The following SLC12A8 variants were observed in gnomAD, a reference collection of about 807,000 sequenced individuals.
The protein encoded by SLC12A8 is cation-chloride cotransporter 9.
In SLC12A8, 69 loss-of-function variants were observed where a neutral mutation model predicts 75.6. The observed-to-expected ratio is 0.91, with a 90% CI of 0.75 to 1.11. The LOEUF (loss-of-function observed/expected upper bound fraction) is 1.11, where lower values mean the gene tolerates loss of function less well. SLC12A8 is among the 50% of genes most tolerant of loss of function. The pLI, the probability that SLC12A8 is intolerant of heterozygous loss-of-function variation, is 0.00. For synonymous variants in SLC12A8, 365 were observed against 372.8 expected, an observed-to-expected ratio of 0.98 and a Z score of 0.24; for missense variants, 877 against 896.7, an observed-to-expected ratio of 0.98 and a Z score of 0.28.
Position 125,194,941 on chromosome 3 carries a change from G to A in SLC12A8, c.52-4420C>T, listed in dbSNP as rs114803740. ...CATTCCTTTCCCCTGCCTCTGAACC[G>A]GCCCCATGTGCTGGACCACAGGGGT... On this transcript the variant is annotated intron_variant, in intron 2 of 13. Transcript: ENST00000469902. 4.8e-3 allele frequency among the ~76,000 whole-genome samples: 729 copies of A among 152,344 alleles called. 9 individuals carry two copies. The highest frequency in any genetic ancestry group is 0.021 in the Admixed American group (325 of 15,302).
At position 125,211,344 on chromosome 3, in the gene SLC12A8, G is replaced by A. The variant is rs750720126; in HGVS notation, c.6C>T (p.Thr2=). M[T]QMSQVQELFH... The stretch of plus-strand genomic sequence containing the variant: ...AGAGCTCCTGCACCTGGGACATCTG[G>A]GTCATTCTCCAGCAAGCAGGGATCC... The change falls in exon 2 of 14, where the codon ACC becomes ACT. Residue 2 remains threonine (T), a synonymous_variant. Coordinates refer to ENST00000469902, the MANE Select transcript of SLC12A8 (RefSeq NM_024628.6). The A allele has an allele frequency of 1.2e-6, 2 of 1,613,698 alleles. No homozygotes were observed. Among genetic ancestry groups the A allele is most frequent in the East Asian group, 2.2e-5 (1 of 44,886 alleles).
chr3:125,120,698 C>T lies in SLC12A8; in HGVS notation c.737-12G>A. 3 of 1,609,896 alleles carry T rather than the reference C, an allele frequency of 1.9e-6. No homozygotes were observed. The highest frequency in any genetic ancestry group is 2.2e-5 in the East Asian group (1 of 44,842). On this transcript the variant is annotated splice_polypyrimidine_tract_variant and intron_variant, in intron 6 of 13. Coordinates refer to ENST00000469902, the MANE Select transcript of SLC12A8 (RefSeq NM_024628.6). Reference sequence around the variant, plus strand: ...GCCGGCCATGACTCCTGAAAGACACCCAGATGGGGAATGGGGTGAGCAGCC... The same window carrying T: ...GCCGGCCATGACTCCTGAAAGACACTCAGATGGGGAATGGGGTGAGCAGCC...
chr3:125,188,768 T>C lies in SLC12A8; in HGVS notation c.199-1340A>G, dbSNP rs182845583. Among the ~76,000 whole-genome samples the C allele has an allele frequency of 2.0e-4, 31 of 152,298 alleles. No homozygotes were observed. The East Asian group carries it at 5.0e-3, about 25-fold the overall frequency. ...GCTGGAAAATTGTCCTGGAAGTCAGTTGTACTCTGTTCCAGTGTTTATAAT... is the reference window on the plus strand; with the variant it reads ...GCTGGAAAATTGTCCTGGAAGTCAGCTGTACTCTGTTCCAGTGTTTATAAT... On this transcript the variant is annotated intron_variant, in intron 3 of 13. Transcript: ENST00000469902.
intron 6 of SLC12A8, among the ~76,000 whole-genome samples, chr3:125,133,981 T>G (rs1258738474): frequency 6.6e-6 from 1 of 152,256 alleles, no homozygotes; most frequent in African/African-American, 2.4e-5. Context: ...GATTGCATTT[T>G]CTAGAACTGC....
chr3:125,120,951 G>T, intron 6 of SLC12A8: 1 of 675,762 alleles, frequency 1.5e-6, no homozygotes, highest in East Asian at 2.7e-5. Context: ...ACCGCTCAGC[G>T]CAAAGCAACC....
chr3:125,112,846 T>TGA (rs1486294300), intron 8 of SLC12A8, among the ~76,000 whole-genome samples: 5 of 151,874 alleles, frequency 3.3e-5, no homozygotes, highest in Admixed American at 3.3e-4. Flanking sequence ...TAGTGTAGAG[T>TGA]GAGACACAGA....
intron 2 of SLC12A8, among the ~76,000 whole-genome samples, chr3:125,202,905 T>C (rs1169708072): frequency 6.6e-6 from 1 of 151,838 alleles, no homozygotes; most frequent in Non-Finnish European, 1.5e-5. Flanking sequence ...CTGCCCAACA[T>C]GGTGAAACCC....
At chr3:125,188,602 TAAG>T (rs541193821) in intron 3 of SLC12A8, among the ~76,000 whole-genome samples, 36 of 152,332 alleles carry the variant, frequency 2.4e-4, no homozygotes, top group African/African-American at 8.4e-4. Context: ...ACAGCACTTC[TAAG>T]AAGGAGATGT....
intron 10 of SLC12A8, among the ~76,000 whole-genome samples, chr3:125,103,789 TACCCCCACTA>T (rs559017664): frequency 2.6e-5 from 4 of 152,202 alleles, no homozygotes; most frequent in Non-Finnish European, 5.9e-5. Context: ...TGTGCCACTA[TACCCCCACTA>T]ATTTTTTAGT....
chr3:125,196,162 T>C (rs1387554593), intron 2 of SLC12A8, among the ~76,000 whole-genome samples: 1 of 152,288 alleles, frequency 6.6e-6, no homozygotes, highest in East Asian at 1.9e-4. Flanking sequence ...CAAAATCAAA[T>C]ACAATTAAAT....
At chr3:125,148,977 C>T (rs1185348452) in intron 5 of SLC12A8, among the ~76,000 whole-genome samples, 4 of 151,890 alleles carry the variant, frequency 2.6e-5, no homozygotes, top group Admixed American at 2.0e-4. Flanking sequence ...AGCGGGGGGG[C>T]ACAGGCAGGA....
intron 5 of SLC12A8, among the ~76,000 whole-genome samples, chr3:125,164,343 T>G (rs575397676): frequency 1.9e-3 from 286 of 152,348 alleles, no homozygotes; most frequent in African/African-American, 6.6e-3. Flanking sequence ...GACTTCCTTG[T>G]CTGTAAAACT....
intron 6 of SLC12A8, among the ~76,000 whole-genome samples, chr3:125,122,598 T>C (rs1490530920): frequency 6.6e-6 from 1 of 152,228 alleles, no homozygotes; most frequent in East Asian, 1.9e-4. Context: ...AATGCTTCTC[T>C]ACAAGATCTC....
At chr3:125,121,213 A>G (rs1034994070) in intron 6 of SLC12A8, among the ~76,000 whole-genome samples, 4 of 152,236 alleles carry the variant, frequency 2.6e-5, no homozygotes, top group Non-Finnish European at 4.4e-5. Flanking sequence ...TGCCACTGAC[A>G]TGGAGTCACA....
In SLC12A8 at chr3:125,167,298, C is replaced by G. The variant is rs1303548418; in HGVS notation, c.622+10445G>C. Among the ~76,000 whole-genome samples, 3 of 152,140 alleles carry G rather than the reference C, an allele frequency of 2.0e-5. No individual in the cohort carries two copies. The East Asian group carries it at 5.8e-4, about 29-fold the overall frequency. On this transcript the variant is annotated intron_variant, in intron 5 of 13. Transcript: ENST00000469902. ...CCCAGTAGCTGGGACTACAGGCATG[C>G]ACCGCACCTGGCTAATTTTGTATTT...
In SLC12A8 at chr3:125,177,893, G is replaced by C. The variant is rs778614400; in HGVS notation, c.472C>G (p.Arg158Gly). Residue 158 changes from arginine (R) to glycine (G), a missense_variant, in exon 5 of 14, where the codon CGA (arginine) becomes GGA (glycine). Arg to Gly is a moderately radical substitution (Grantham distance 125, BLOSUM62 -2). Coordinates refer to ENST00000469902, the MANE Select transcript of SLC12A8 (RefSeq NM_024628.6). The stretch of plus-strand genomic sequence containing the variant: ...AGAAGCACCGCAACTGAAATTCCTC[G>C]CACAGCCCAGATATTCCCGAGGCCC... Reference protein sequence around the residue: ...LLGLGNIWAVRGISVAVLLAL... With the variant: ...LLGLGNIWAVGGISVAVLLAL... 5 of 1,613,964 alleles carry C rather than the reference G, an allele frequency of 3.1e-6. No homozygotes were observed. The highest frequency in any genetic ancestry group is 1.3e-5 in the African/African-American group (1 of 74,882).
intron 13 of SLC12A8, among the ~76,000 whole-genome samples, chr3:125,087,084 T>C (rs1938477535): frequency 6.6e-6 from 1 of 150,542 alleles, no homozygotes; most frequent in Non-Finnish European, 1.5e-5. Flanking sequence ...TCACGTTACA[T>C]GTATTTCACT....
chr3:125,092,308 A>G, intron 10 of SLC12A8, 110 bp from the exon 11 acceptor site: 1 of 668,308 alleles, frequency 1.5e-6, no homozygotes, highest in South Asian at 1.7e-5. Flanking sequence ...TTAGCCTAAA[A>G]GACATCTCCC....
chr3:125,187,983 G>A, intron 3 of SLC12A8, among the ~76,000 whole-genome samples: 1 of 152,082 alleles, frequency 6.6e-6, no homozygotes, highest in East Asian at 1.9e-4. Flanking sequence ...TGACCTCTAG[G>A]CTGTGAGCTC....
Sources: gnomAD v4.1 joint callset for allele counts (sites outside exome capture counted in the v4.1 genomes callset) on GRCh38, gnomAD v4.1.1 for gene constraint, MANE v1.5 for transcripts, NCBI Gene and HGNC (gene_info 2026-07-23, HGNC 2026-07-21) for gene names.